ZNF438: variants seen among roughly 807,000 people sequenced by gnomAD.
The protein encoded by ZNF438 is zinc finger protein 438.
ZNF438 carries 25 observed loss-of-function variants against 38.0 expected under a neutral mutation model. The observed-to-expected ratio is 0.66, with a 90% CI of 0.48 to 0.92. The LOEUF is 0.92. ZNF438 is among the 40% of genes least tolerant of loss of function. The pLI, the probability that ZNF438 is intolerant of heterozygous loss-of-function variation, is 0.00. For missense variants in ZNF438, 1,007 were observed against 999.6 expected, an observed-to-expected ratio of 1.01 and a Z score of -0.10; for synonymous variants, 372 against 364.1, an observed-to-expected ratio of 1.02 and a Z score of -0.25.
intron 4 of ZNF438, among the ~76,000 whole-genome samples, chr10:30,857,258 C>CTT (rs10682942): frequency 0.37 from 50,840 of 135,744 alleles, 9,636 homozygotes; most frequent in South Asian, 0.4. Flanking sequence ...TCTAAAATTT[C>CTT]TTTTTTTTTT....
chr10:30,865,949 A>C (rs1216586574), intron 4 of ZNF438, among the ~76,000 whole-genome samples: 3 of 152,162 alleles, frequency 2.0e-5, no homozygotes, highest in Non-Finnish European at 4.4e-5. Flanking sequence ...TTTCATACTC[A>C]TATCAAGATG....
chr10:30,865,990 T>G (rs1393502796), intron 4 of ZNF438, among the ~76,000 whole-genome samples: 1 of 152,206 alleles, frequency 6.6e-6, no homozygotes, highest in Non-Finnish European at 1.5e-5. Flanking sequence ...TTTGCACTTG[T>G]TGCGCTGATG....
chr10:30,899,638 A>G (rs2041758259), intron 3 of ZNF438, among the ~76,000 whole-genome samples: 1 of 152,238 alleles, frequency 6.6e-6, no homozygotes, highest in East Asian at 1.9e-4. Context: ...TAGCAAACGT[A>G]CTGAACCTCC....
intron 1 of ZNF438, among the ~76,000 whole-genome samples, chr10:31,028,495 A>C (rs189604646): frequency 6.6e-6 from 1 of 151,930 alleles, no homozygotes; most frequent in East Asian, 1.9e-4. Context: ...GTTGAAAAGG[A>C]CTCTTGGGGA....
chr10:30,845,198 G>A, exon 6 of ZNF438: 1 of 1,614,164 alleles, frequency 6.2e-7, no homozygotes, highest in South Asian at 1.1e-5. Context: ...TTGGCTTGTT[G>A]GTTCCTGACT....
intron 2 of ZNF438, chr10:30,919,426 T>G (rs2044031381): frequency 6.6e-6 from 1 of 152,256 alleles, no homozygotes; most frequent in Non-Finnish European, 1.5e-5. Context: ...TCTTTTGATT[T>G]TTCAAGGTTT....
intron 1 of ZNF438, among the ~76,000 whole-genome samples, chr10:30,947,817 A>C (rs2135684770): frequency 6.6e-6 from 1 of 152,082 alleles, no homozygotes; most frequent in South Asian, 2.1e-4. Context: ...CCTTTCTTTG[A>C]CTCGGAAAGG....
At chr10:30,936,993 T>A (rs1348273984) in intron 2 of ZNF438, among the ~76,000 whole-genome samples, 1 of 152,172 alleles carries the variant, frequency 6.6e-6, no homozygotes, top group Non-Finnish European at 1.5e-5. Context: ...CTCCTCAGTG[T>A]GTGTACCTTA....
chr10:30,849,542 G>A (rs1380444353), exon 5 of ZNF438: 1 of 1,614,220 alleles, frequency 6.2e-7, no homozygotes, highest in Non-Finnish European at 8.5e-7. Flanking sequence ...TTTCCCTTTG[G>A]GGACTGAAGA....
At chr10:30,850,248 A>G in exon 5 of ZNF438, 1 of 1,614,150 alleles carries the variant, frequency 6.2e-7, no homozygotes, top group South Asian at 1.1e-5. Flanking sequence ...GGTGAATGAC[A>G]TGGCAGCATT....
chr10:30,949,225 T>A (rs2047845486), intron 1 of ZNF438, among the ~76,000 whole-genome samples: 1 of 151,720 alleles, frequency 6.6e-6, no homozygotes, highest in African/African-American at 2.4e-5. Flanking sequence ...CCACCAGGCC[T>A]GCCCTAAAAG....
At chr10:30,898,990 A>G (rs1179236409) in intron 3 of ZNF438, among the ~76,000 whole-genome samples, 2 of 152,214 alleles carry the variant, frequency 1.3e-5, no homozygotes, top group East Asian at 3.8e-4. Flanking sequence ...TTAAAAATCC[A>G]AAGAATATTC....
chr10:30,979,744 T>C (rs2051887434), intron 1 of ZNF438, among the ~76,000 whole-genome samples: 1 of 152,182 alleles, frequency 6.6e-6, no homozygotes, highest in Admixed American at 6.5e-5. Flanking sequence ...CTCCCACTAT[T>C]ATTGTGTGGG....
intron 1 of ZNF438, among the ~76,000 whole-genome samples, chr10:31,029,728 TCA>T (rs1261546184): frequency 3.5e-4 from 53 of 152,348 alleles, no homozygotes; most frequent in African/African-American, 1.3e-3. Context: ...TGGTTTTCCA[TCA>T]CAGTTAGAAC....
chr10:30,901,864 T>A (rs2042031575), intron 3 of ZNF438, among the ~76,000 whole-genome samples: 1 of 152,154 alleles, frequency 6.6e-6, no homozygotes, highest in African/African-American at 2.4e-5. Flanking sequence ...CAGAGTTTCT[T>A]CTTTCTGGTG....
chr10:30,921,753 C>T (rs1362870624), intron 2 of ZNF438, among the ~76,000 whole-genome samples: 1 of 152,218 alleles, frequency 6.6e-6, no homozygotes, highest in Non-Finnish European at 1.5e-5. Context: ...ACATCCGAGG[C>T]TGCTCTAATG....
intron 1 of ZNF438, among the ~76,000 whole-genome samples, chr10:30,994,758 T>G (rs1460031227): frequency 6.6e-6 from 1 of 152,146 alleles, no homozygotes; most frequent in Admixed American, 6.5e-5. Context: ...AGGCTAGGCA[T>G]GGCGGCTCAC....
intron 1 of ZNF438, among the ~76,000 whole-genome samples, chr10:30,957,366 T>G (rs1443070966): frequency 2.6e-5 from 4 of 152,238 alleles, no homozygotes; most frequent in African/African-American, 4.8e-5. Flanking sequence ...TGTTGTTTCC[T>G]TTGCTGTATA....
At chr10:31,019,970 C>A (rs770501852) in intron 1 of ZNF438, among the ~76,000 whole-genome samples, 1 of 152,116 alleles carries the variant, frequency 6.6e-6, no homozygotes, top group Non-Finnish European at 1.5e-5. Context: ...CCAGCAAAGA[C>A]TAGAAAATAA....
Sources: allele counts gnomAD v4.1 joint callset (sites outside exome capture counted in the v4.1 genomes callset), GRCh38; gene constraint gnomAD v4.1.1; transcripts MANE v1.5; gene names NCBI Gene and HGNC (gene_info 2026-07-23, HGNC 2026-07-21).